The following CTNNA3 variants were observed in gnomAD, a reference collection of about 807,000 sequenced individuals.
CTNNA3 encodes the protein catenin alpha-3.
Under a neutral mutation model 95.7 loss-of-function variants are expected in CTNNA3, and 76 were observed. The ratio of observed to expected loss-of-function variants is 0.79; its 90% CI spans 0.66 to 0.96. The LOEUF (loss-of-function observed/expected upper bound fraction) is 0.96, where lower values mean the gene tolerates loss of function less well. Ranked by LOEUF, CTNNA3 falls within the 40% of genes least tolerant of loss-of-function variation. The pLI is 0.00. For missense variants in CTNNA3, 1,191 were observed against 1,089.8 expected (o/e 1.09, Z -1.31); for synonymous variants, 431 against 374.4 (o/e 1.15, Z -1.74).
At chr10:67,360,416 G>GAAA (rs74859730) in intron 5 of CTNNA3, among the ~76,000 whole-genome samples, 1 of 99,296 alleles carries the variant, frequency 1.0e-5, no homozygotes, top group Non-Finnish European at 2.1e-5. Context: ...GAGCAAGCAG[G>GAAA]AAAAAAAAAA....
At chr10:66,830,711 G>A (rs7898417) in intron 7 of CTNNA3, among the ~76,000 whole-genome samples, 33 of 151,882 alleles carry the variant, frequency 2.2e-4, no homozygotes, top group African/African-American at 7.2e-4. Flanking sequence ...CTGGGTTCCC[G>A]CCATTCTCCT....
intron 7 of CTNNA3, among the ~76,000 whole-genome samples, chr10:66,906,574 T>C (rs1010820823): frequency 2.0e-5 from 3 of 152,192 alleles, no homozygotes; most frequent in Admixed American, 6.5e-5. Flanking sequence ...TGTAGACTTA[T>C]ATTAATCTAC....
intron 11 of CTNNA3, among the ~76,000 whole-genome samples, chr10:66,384,998 T>C (rs909900098): frequency 6.6e-6 from 1 of 152,108 alleles, no homozygotes; most frequent in African/African-American, 2.4e-5. Flanking sequence ...AGGAAAGATC[T>C]AAAATTGACA....
At chr10:66,784,277 G>T (rs1414223893) in intron 7 of CTNNA3, among the ~76,000 whole-genome samples, 1 of 151,984 alleles carries the variant, frequency 6.6e-6, no homozygotes, top group East Asian at 1.9e-4. Flanking sequence ...AAAGAAACTT[G>T]GCATATAAAA....
At chr10:67,470,055 T>C (rs1360643228) in intron 5 of CTNNA3, among the ~76,000 whole-genome samples, 1 of 152,204 alleles carries the variant, frequency 6.6e-6, no homozygotes, top group Non-Finnish European at 1.5e-5. Context: ...TCTAACTAAC[T>C]TTTTGTACCT....
chr10:66,601,629 T>C (rs1843926598), intron 10 of CTNNA3, among the ~76,000 whole-genome samples: 2 of 151,908 alleles, frequency 1.3e-5, no homozygotes, highest in Non-Finnish European at 2.9e-5. Context: ...TTAGACTGTT[T>C]TAAATTACCC....
chr10:66,114,903 TAAA>T (rs1351258299), intron 13 of CTNNA3, among the ~76,000 whole-genome samples: 2 of 151,514 alleles, frequency 1.3e-5, no homozygotes, highest in East Asian at 1.9e-4. Flanking sequence ...AAAGAAAAAG[TAAA>T]AGAAAATATA....
chr10:67,467,393 T>C (rs1402254321), intron 5 of CTNNA3, among the ~76,000 whole-genome samples: 1 of 152,148 alleles, frequency 6.6e-6, no homozygotes, highest in Non-Finnish European at 1.5e-5. Flanking sequence ...GTTTGGATGA[T>C]CTTAGTCCTT....
chr10:66,857,622 G>A (rs7908371), intron 7 of CTNNA3, among the ~76,000 whole-genome samples: 88,715 of 151,626 alleles, frequency 0.59, 27,009 homozygotes, highest in African/African-American at 0.64. Flanking sequence ...GATATCTTTC[G>A]CCTCTGTGGT....
Position 66,927,486 on chromosome 10 carries a change from T to C in CTNNA3, c.1048-151962A>G, listed in dbSNP as rs773247206. On this transcript the variant is annotated intron_variant, in intron 7 of 17. Coordinates refer to ENST00000433211, the MANE Select transcript of CTNNA3 (RefSeq NM_013266.4). The surrounding 1 kb of genome is among the most constrained non-coding windows in gnomAD (Gnocchi z 4.7). The stretch of plus-strand genomic sequence containing the variant: ...ACCTGGAACTTTTGGACCTGGGATA[T>C]AACCGGATCCGAAGTTTAGCCAGGA... 1 of 1,614,116 alleles carries C rather than the reference T, an allele frequency of 6.2e-7. No homozygotes were observed. The highest frequency in any genetic ancestry group is 1.1e-5 in the South Asian group (1 of 91,084).
chr10:66,327,337 C>T (rs964939596), intron 12 of CTNNA3, among the ~76,000 whole-genome samples: 2 of 152,024 alleles, frequency 1.3e-5, no homozygotes, highest in African/African-American at 4.8e-5. Context: ...AGGGAAACAA[C>T]CATTTATTGC....
intron 5 of CTNNA3, among the ~76,000 whole-genome samples, chr10:67,376,243 G>A (rs1843684827): frequency 6.6e-6 from 1 of 152,178 alleles, no homozygotes; most frequent in Non-Finnish European, 1.5e-5. Flanking sequence ...TAACACCTTA[G>A]GGGACAGAAC....
chr10:66,267,831 T>C (rs1202814909), intron 13 of CTNNA3, among the ~76,000 whole-genome samples: 1 of 152,144 alleles, frequency 6.6e-6, no homozygotes, highest in Non-Finnish European at 1.5e-5. Context: ...AAAAAGATTA[T>C]GTATAGCTTA....
intron 13 of CTNNA3, among the ~76,000 whole-genome samples, chr10:66,212,389 A>G (rs1317154319): frequency 2.6e-5 from 4 of 152,324 alleles, no homozygotes; most frequent in African/African-American, 9.6e-5. Context: ...TTTCTTAGCC[A>G]GAACCTAAAT....
chr10:67,694,073 T>A (rs1351780411), intron 1 of CTNNA3, among the ~76,000 whole-genome samples: 1 of 152,212 alleles, frequency 6.6e-6, no homozygotes, highest in Admixed American at 6.5e-5. Flanking sequence ...CACAGTTGTA[T>A]CATAAAAGTC....
chr10:67,610,117 C>T (rs906056666), intron 2 of CTNNA3, among the ~76,000 whole-genome samples: 5 of 152,200 alleles, frequency 3.3e-5, no homozygotes, highest in African/African-American at 9.6e-5. Flanking sequence ...AGTGTTCCCT[C>T]GGAATGTATT....
At chr10:67,274,809 C>T (rs866386052) in intron 5 of CTNNA3, among the ~76,000 whole-genome samples, 1 of 152,026 alleles carries the variant, frequency 6.6e-6, no homozygotes, top group African/African-American at 2.4e-5. Flanking sequence ...GGCTGAGGGA[C>T]AGAGATAGAC....
At chr10:67,371,626 C>T (rs1269443656) in intron 5 of CTNNA3, among the ~76,000 whole-genome samples, 3 of 152,154 alleles carry the variant, frequency 2.0e-5, no homozygotes, top group African/African-American at 7.2e-5. Flanking sequence ...TCCAGTCTAT[C>T]ATTGATGGAC....
At chr10:67,099,327 T>G (rs1040085322) in intron 7 of CTNNA3, 4 of 150,022 alleles carry the variant, frequency 2.7e-5, no homozygotes, top group Non-Finnish European at 5.9e-5. Flanking sequence ...CATTCTTGTG[T>G]TTTTTTTTAA....
Sources: allele counts gnomAD v4.1 joint callset (sites outside exome capture counted in the v4.1 genomes callset), GRCh38; gene constraint gnomAD v4.1.1; non-coding constraint Gnocchi (gnomAD v3.1); transcripts MANE v1.5; gene names NCBI Gene and HGNC (gene_info 2026-07-23, HGNC 2026-07-21).